SEL1L3: variants seen among roughly 807,000 people sequenced by gnomAD.
SEL1L3 encodes SEL1L family member 3.
SEL1L3 carries 76 observed loss-of-function variants against 142.8 expected under a neutral mutation model. The ratio of observed to expected loss-of-function variants is 0.53; its 90% CI spans 0.44 to 0.64. The LOEUF (loss-of-function observed/expected upper bound fraction) is 0.64. Ranked by LOEUF, SEL1L3 falls within the 30% of genes least tolerant of loss-of-function variation. SEL1L3 has a pLI of 0.00. For missense variants in SEL1L3, 1,262 were observed against 1,381.7 expected (o/e 0.91, Z 1.37); for synonymous variants, 504 against 519.6 (o/e 0.97, Z 0.41).
intron 20 of SEL1L3, among the ~76,000 whole-genome samples, chr4:25,764,531 CA>C (rs1365487800): frequency 1.3e-5 from 2 of 151,660 alleles, no homozygotes; most frequent in East Asian, 3.9e-4. Flanking sequence ...AAGAAGTTTC[CA>C]AAAAAAATCA....
intron 17 of SEL1L3, among the ~76,000 whole-genome samples, chr4:25,775,842 T>C (rs1719577824): frequency 6.6e-6 from 1 of 152,156 alleles, no homozygotes; most frequent in Non-Finnish European, 1.5e-5. Flanking sequence ...AAAACATCTA[T>C]GGAAGAGGTG....
At chr4:25,744,723 C>T (rs1005016234), downstream of SEL1L3, among the ~76,000 whole-genome samples, 1 of 152,146 alleles carries the variant, frequency 6.6e-6, no homozygotes, top group Admixed American at 6.6e-5. Flanking sequence ...ACAAGACAAC[C>T]CTGCACCCCA....
At chr4:25,814,134 C>A (rs202036867) in intron 9 of SEL1L3, among the ~76,000 whole-genome samples, 1 of 151,980 alleles carries the variant, frequency 6.6e-6, no homozygotes, top group African/African-American at 2.4e-5. Context: ...GAAATTACAG[C>A]CCATTTTCTC....
At chr4:25,757,901 A>G in intron 21 of SEL1L3, 111 bp from the exon 22 acceptor site, 1 of 732,006 alleles carries the variant, frequency 1.4e-6, no homozygotes, top group East Asian at 2.7e-5. Context: ...TGGACAAATG[A>G]GCACACTCAA....
intron 2 of SEL1L3, among the ~76,000 whole-genome samples, chr4:25,843,024 G>A (rs1231838991): frequency 6.6e-6 from 1 of 152,184 alleles, no homozygotes; most frequent in Non-Finnish European, 1.5e-5. Flanking sequence ...AGCATCTTAG[G>A]TGGAGGGAGC....
intron 6 of SEL1L3, 56 bp downstream of exon 6, chr4:25,830,042 A>G: frequency 9.1e-7 from 1 of 1,100,946 alleles, no homozygotes; most frequent in Non-Finnish European, 1.4e-6. Context: ...TAAAGTATGA[A>G]GATTCCTTAA....
At chr4:25,850,591 C>G (rs543670026) in intron 1 of SEL1L3, among the ~76,000 whole-genome samples, 1 of 152,238 alleles carries the variant, frequency 6.6e-6, no homozygotes, top group South Asian at 2.1e-4. Context: ...GGAGTTTAAC[C>G]TACTAATACA....
At chr4:25,729,784 TG>T in the SEL1L3 span, among the ~76,000 whole-genome samples, 14 of 152,194 alleles carry the variant, frequency 9.2e-5, no homozygotes, top group Admixed American at 3.3e-4. Flanking sequence ...ACCCTTCCTC[TG>T]GTGACGTGCC....
intron 23 of SEL1L3, among the ~76,000 whole-genome samples, chr4:25,751,952 T>C (rs988187071): frequency 6.6e-6 from 1 of 151,286 alleles, no homozygotes; most frequent in Non-Finnish European, 1.5e-5. Flanking sequence ...CTACTAAAAA[T>C]ACAAAATTTA....
At position 25,788,890 on chromosome 4, in the gene SEL1L3, G is replaced by A. The variant is rs1577604628; in HGVS notation, c.2077-526C>T. ...ATGTTACTTATCTTTGTCCCTGTCT[G>A]TTAGCCCCCCAACCCAGCAGAGCTC... is the stretch of plus-strand genomic sequence containing the variant. On this transcript the variant is annotated intron_variant, in intron 12 of 23. Coordinates refer to ENST00000399878, the MANE Select transcript of SEL1L3 (RefSeq NM_015187.5). This position sits in a 1 kb window ranked among gnomAD's most constrained non-coding sequence, Gnocchi z 5.3. Among the ~76,000 whole-genome samples the A allele has an allele frequency of 6.6e-6, 1 of 152,284 alleles. No homozygotes were observed. Among genetic ancestry groups the A allele is most frequent in the South Asian group, 2.1e-4 (1 of 4,828 alleles).
At chr4:25,787,260 G>A (rs1156903640) in intron 13 of SEL1L3, among the ~76,000 whole-genome samples, 1 of 152,236 alleles carries the variant, frequency 6.6e-6, no homozygotes, top group Non-Finnish European at 1.5e-5. Flanking sequence ...AGTTGGTTGT[G>A]AGGATTTAAT....
At chr4:25,776,032 T>A (rs1719592269) in intron 17 of SEL1L3, among the ~76,000 whole-genome samples, 2 of 152,360 alleles carry the variant, frequency 1.3e-5, no homozygotes, top group South Asian at 4.1e-4. Context: ...TGTATTTGTA[T>A]ATCTTTCTCA....
chr4:25,730,216 G>C, the SEL1L3 span, among the ~76,000 whole-genome samples: 1 of 152,162 alleles, frequency 6.6e-6, no homozygotes, highest in Non-Finnish European at 1.5e-5. Flanking sequence ...GAGCCACCGA[G>C]CCCGGCTACT....
downstream of SEL1L3, among the ~76,000 whole-genome samples, chr4:25,743,497 G>C (rs1717175037): frequency 6.6e-6 from 1 of 152,244 alleles, no homozygotes; most frequent in Non-Finnish European, 1.5e-5. Flanking sequence ...TGCCCAAGGT[G>C]GTCAGGGCAC....
At chr4:25,780,325 C>T (rs1719909978) in intron 15 of SEL1L3, among the ~76,000 whole-genome samples, 3 of 152,240 alleles carry the variant, frequency 2.0e-5, no homozygotes, top group South Asian at 2.1e-4. Context: ...TCCATGTCTC[C>T]GGTAGGCAGG....
rs2437 is a variant in SEL1L3 at position 25,847,741 on chromosome 4, C to A, written c.286G>T (p.Val96Phe). ...FTVFEGNVRN[V>F]SEVSVEYLCS... Reference sequence around the variant, plus strand: ...AAATACTCAACCGAGACTTCAGAAACGTTGCGAACGTTTCCTTCAAAGACA... The same window carrying A: ...AAATACTCAACCGAGACTTCAGAAAAGTTGCGAACGTTTCCTTCAAAGACA... Residue 96 changes from valine (V) to phenylalanine (F), a missense_variant, in exon 2 of 24, where the codon GTT (valine) becomes TTT (phenylalanine). Around this residue, in one of 3 missense-constraint regions of SEL1L3, gnomAD observed 689 missense variants for 692.8 expected, o/e 0.99. Coordinates refer to ENST00000399878, the MANE Select transcript of SEL1L3 (RefSeq NM_015187.5). The A allele has an allele frequency of 8.1e-6, 13 of 1,613,848 alleles. No individual in the cohort carries two copies. In the East Asian group the frequency reaches 2.9e-4, roughly 36 times the overall value.
chr4:25,840,931 C>T (rs1176034808), intron 2 of SEL1L3, among the ~76,000 whole-genome samples: 1 of 152,186 alleles, frequency 6.6e-6, no homozygotes. Context: ...AGGCTTATCA[C>T]CATTTCCCAA....
At chr4:25,733,831 C>T in the SEL1L3 span, among the ~76,000 whole-genome samples, 1 of 151,988 alleles carries the variant, frequency 6.6e-6, no homozygotes, top group Admixed American at 6.6e-5. Context: ...TTTGTTTTTA[C>T]AAAGGACTTC....
Position 25,757,676 on chromosome 4 carries a change from C to G in SEL1L3, c.3186+12G>C, listed in dbSNP as rs2286867. The G allele has an allele frequency of 0.062, 98,387 of 1,577,780 alleles. 5,106 individuals are homozygous for G. The highest frequency in any genetic ancestry group is 0.27 in the African/African-American group (19,755 of 74,032). On this transcript the variant is annotated intron_variant, in intron 22 of 23. Transcript: ENST00000399878. ...GGCCACAAGGGTGGGGCCGGTGGGA[C>G]ATGAAACCTACCAGGGCTGAGTGCA...
Sources: gnomAD v4.1 joint callset for allele counts (sites outside exome capture counted in the v4.1 genomes callset) on GRCh38, gnomAD v4.1.1 for gene constraint, gnomAD v4.1.1 regional missense constraint, Gnocchi (gnomAD v3.1) non-coding constraint, MANE v1.5 for transcripts, NCBI Gene and HGNC (gene_info 2026-07-23, HGNC 2026-07-21) for gene names.